Variants in STRN3 observed in about 807,000 individuals in gnomAD.
STRN3 encodes the protein striatin 3, also known as striatin-3.
Under a neutral mutation model 95.6 loss-of-function variants are expected in STRN3, and 29 were observed. That is an observed-to-expected ratio of 0.30 (90% CI 0.23 to 0.41). The LOEUF is 0.41. Ranked by LOEUF, STRN3 falls within the 10% of genes least tolerant of loss-of-function variation. The pLI, the probability that STRN3 is intolerant of heterozygous loss-of-function variation, is 1.00. For synonymous variants in STRN3, 331 were observed against 357.6 expected, an observed-to-expected ratio of 0.93 and a Z score of 0.84; for missense variants, 890 against 972.1, an observed-to-expected ratio of 0.92 and a Z score of 1.12.
intron 1 of STRN3, among the ~76,000 whole-genome samples, chr14:31,000,748 T>A (rs1882409383): frequency 6.6e-6 from 1 of 152,172 alleles, no homozygotes; most frequent in African/African-American, 2.4e-5. Context: ...AACTTTACTT[T>A]CTATCCACTA....
Position 30,894,627 on chromosome 14 carries a change from T to G in STRN3, c.*784A>C. ...TAATAGTCCTTGGTTTATGAAGACA[T>G]TTATGTGATGATGAAAGTTATTTAG... On this transcript the variant is annotated 3_prime_UTR_variant, in exon 18 of 18. Coordinates refer to ENST00000357479, the MANE Select transcript of STRN3 (RefSeq NM_001083893.2). 6.4e-6 allele frequency: 1 copy of G among 156,820 alleles called. No homozygotes were observed. The highest frequency in any genetic ancestry group is 1.4e-5 in the Non-Finnish European group (1 of 70,956). The allele number at this position is 156,820 out of a possible 1,614,324, so 9.7% of individuals were successfully genotyped here. A position where few individuals can be genotyped will look rare whatever the true frequency, so the allele number is the denominator to read the frequency against.
intron 4 of STRN3, among the ~76,000 whole-genome samples, chr14:30,949,622 G>T (rs12896702): frequency 1 from 151,604 of 151,790 alleles, 75,709 homozygotes; most frequent in Middle Eastern, 1. Context: ...AGGCGGAGGT[G>T]ATAGTGAGCA....
At chr14:31,016,668 C>G (rs1466898771) in intron 1 of STRN3, among the ~76,000 whole-genome samples, 1 of 152,114 alleles carries the variant, frequency 6.6e-6, no homozygotes, top group Non-Finnish European at 1.5e-5. Flanking sequence ...CCTCAGCTTC[C>G]CAAGTAGCTG....
In STRN3 at chr14:30,895,646, G is replaced by A. The variant is rs758732478; in HGVS notation, c.2224+16C>T. 26 of 1,612,448 alleles carry A rather than the reference G, an allele frequency of 1.6e-5. No homozygotes were observed. Among genetic ancestry groups the A allele is most frequent in the Non-Finnish European group, 2.2e-5 (26 of 1,179,514 alleles). ...TTTTATAAAGTTTGTGGGCAGTACA[G>A]GACTTTAAGACTTACTTCCAGACAT... On this transcript the variant is annotated intron_variant, in intron 17 of 17. Transcript: ENST00000357479.
chr14:30,921,087 C>T (rs1355350301), intron 8 of STRN3, among the ~76,000 whole-genome samples: 3 of 151,672 alleles, frequency 2.0e-5, no homozygotes, highest in Non-Finnish European at 2.9e-5. Context: ...CACACACACA[C>T]ACACACACAC....
chr14:30,989,248 T>A (rs768416207), intron 1 of STRN3, among the ~76,000 whole-genome samples: 65 of 152,128 alleles, frequency 4.3e-4, no homozygotes, highest in Non-Finnish European at 7.1e-4. Flanking sequence ...ACAAACAGAT[T>A]CTGACTACCT....
chr14:30,903,990 T>C (rs1203492439), intron 15 of STRN3, among the ~76,000 whole-genome samples: 2 of 152,184 alleles, frequency 1.3e-5, no homozygotes, highest in Non-Finnish European at 2.9e-5. Context: ...AAATCTGAAG[T>C]TGAAGTATTT....
At chr14:30,953,479 A>C (rs746314053) in intron 3 of STRN3, among the ~76,000 whole-genome samples, 4 of 152,214 alleles carry the variant, frequency 2.6e-5, no homozygotes, top group Non-Finnish European at 5.9e-5. Context: ...ACATATCACA[A>C]TGTACTTATC....
chr14:30,988,356 T>C (rs1223327716), intron 1 of STRN3, among the ~76,000 whole-genome samples: 2 of 152,202 alleles, frequency 1.3e-5, no homozygotes, highest in Non-Finnish European at 2.9e-5. Flanking sequence ...AGGTATTAAC[T>C]TTTCTAAGCT....
At chr14:30,980,451 A>G (rs2139224404) in intron 1 of STRN3, among the ~76,000 whole-genome samples, 1 of 151,714 alleles carries the variant, frequency 6.6e-6, no homozygotes, top group South Asian at 2.1e-4. Context: ...TCTGTCACCC[A>G]GGCTGGAGTG....
At chr14:30,946,313 C>T (rs1039484488) in intron 5 of STRN3, among the ~76,000 whole-genome samples, 2 of 151,972 alleles carry the variant, frequency 1.3e-5, no homozygotes, top group Admixed American at 6.6e-5. Flanking sequence ...GAGGCTGAGG[C>T]GGGCAGGCTG....
intron 5 of STRN3, among the ~76,000 whole-genome samples, chr14:30,944,540 T>C (rs12889170): frequency 1.5e-5 from 2 of 130,380 alleles, no homozygotes; most frequent in Admixed American, 7.9e-5. Context: ...TATATATACA[T>C]GTATATATAC....
At chr14:30,999,819 T>C (rs1053523313) in intron 1 of STRN3, among the ~76,000 whole-genome samples, 3 of 152,110 alleles carry the variant, frequency 2.0e-5, no homozygotes, top group Admixed American at 1.3e-4. Flanking sequence ...GCTCAACGAA[T>C]TACAAGATAA....
intron 16 of STRN3, 124 bp from the exon 17 acceptor site, chr14:30,895,872 T>C (rs1459197769): frequency 2.1e-5 from 16 of 779,386 alleles, no homozygotes; most frequent in Non-Finnish European, 2.6e-5. Flanking sequence ...TGGTAAAATA[T>C]ACACAACATA....
At chr14:30,993,690 A>AT (rs1443459572) in intron 1 of STRN3, among the ~76,000 whole-genome samples, 7 of 125,544 alleles carry the variant, frequency 5.6e-5, no homozygotes, top group Non-Finnish European at 1.1e-4. Flanking sequence ...ATATACTTCT[A>AT]TTTTTTGAGA....
At chr14:31,021,900 TGGTCCC>T (rs1194693000) in intron 1 of STRN3, among the ~76,000 whole-genome samples, 6 of 152,230 alleles carry the variant, frequency 3.9e-5, no homozygotes, top group African/African-American at 1.4e-4. Flanking sequence ...TCTAGATCAG[TGGTCCC>T]TAAACTTCAT....
chr14:30,915,980 CTA>C (rs941422332), intron 9 of STRN3, among the ~76,000 whole-genome samples: 13 of 152,272 alleles, frequency 8.5e-5, no homozygotes, highest in Admixed American at 5.9e-4. Context: ...TCCTTTTTCT[CTA>C]TATACACACA....
chr14:30,913,942 A>T (rs1162602992), intron 9 of STRN3, among the ~76,000 whole-genome samples: 1 of 152,212 alleles, frequency 6.6e-6, no homozygotes, highest in East Asian at 1.9e-4. Context: ...TCACTTCAGT[A>T]CAATTATAAC....
chr14:30,916,150 C>A (rs963030687), intron 9 of STRN3, among the ~76,000 whole-genome samples: 2 of 152,068 alleles, frequency 1.3e-5, no homozygotes, highest in Admixed American at 6.6e-5. Flanking sequence ...CATCTGTTTG[C>A]CCTTATTTCC....
Sources: gnomAD v4.1 joint callset for allele counts (sites outside exome capture counted in the v4.1 genomes callset) on GRCh38, gnomAD v4.1.1 for gene constraint, MANE v1.5 for transcripts, NCBI Gene and HGNC (gene_info 2026-07-23, HGNC 2026-07-21) for gene names.